PRELID2: variants seen among roughly 807,000 people sequenced by gnomAD.
The protein encoded by PRELID2 is PRELI domain containing 2, also known as PRELI domain-containing protein 2.
Under a neutral mutation model 28.4 loss-of-function variants are expected in PRELID2, and 25 were observed. The observed-to-expected ratio is 0.88, with a 90% CI of 0.64 to 1.23. The LOEUF (loss-of-function observed/expected upper bound fraction) is 1.23. PRELID2 is among the 50% of genes most tolerant of loss of function. The probability of loss-of-function intolerance (pLI) is 0.00; values close to 1 mark genes in which losing one functional copy is unlikely to be tolerated. For missense variants in PRELID2, 201 were observed against 214.4 expected (o/e 0.94, Z 0.39); for synonymous variants, 76 against 71.6 (o/e 1.06, Z -0.31).
chr5:145,477,291 C>T (rs1286018045), intron 1 of PRELID2, among the ~76,000 whole-genome samples: 1 of 152,214 alleles, frequency 6.6e-6, no homozygotes, highest in Non-Finnish European at 1.5e-5. Context: ...CACTGCTCTA[C>T]ATTTCTCTGT....
chr5:145,311,930 G>T, the PRELID2 span, among the ~76,000 whole-genome samples: 1 of 152,098 alleles, frequency 6.6e-6, no homozygotes, highest in Non-Finnish European at 1.5e-5. Flanking sequence ...ATGAAAAATT[G>T]TATATTCATG....
intron 1 of PRELID2, among the ~76,000 whole-genome samples, chr5:145,563,953 G>A (rs1393060724): frequency 6.6e-6 from 1 of 152,180 alleles, no homozygotes; most frequent in African/African-American, 2.4e-5. Context: ...ACTATAAGAA[G>A]AGATGGATAT....
At chr5:145,278,833 A>T in the PRELID2 span, among the ~76,000 whole-genome samples, 1 of 152,168 alleles carries the variant, frequency 6.6e-6, no homozygotes, top group East Asian at 1.9e-4. Context: ...TCTTATCAAT[A>T]GCAAAAGCCT....
rs181394072 is a variant in PRELID2, at chr5:145,565,348, C to A, written n.71-92033G>T. Among the ~76,000 whole-genome samples, 331 of 152,294 alleles carry A rather than the reference C, an allele frequency of 2.2e-3. 8 individuals are homozygous for A. The highest frequency in any genetic ancestry group is 3.4e-4 in the Non-Finnish European group (23 of 68,018). On this transcript the variant is annotated intron_variant and non_coding_transcript_variant, in intron 1 of 2. Coordinates refer to the PRELID2 transcript ENST00000510259. ...GCCCTGTTATTGTTTTGACATGGAA[C>A]CATTATATTAATTCTGACATTGGCA...
chr5:145,769,080 A>C (rs979948212), intron 5 of PRELID2, among the ~76,000 whole-genome samples: 16 of 152,218 alleles, frequency 1.1e-4, no homozygotes, highest in African/African-American at 3.6e-4. Flanking sequence ...ATCAGGCTTA[A>C]AGGGGCTAAA....
chr5:145,304,233 A>G, the PRELID2 span, among the ~76,000 whole-genome samples: 1 of 152,202 alleles, frequency 6.6e-6, no homozygotes, highest in Admixed American at 6.5e-5. Context: ...AAAATCTTAT[A>G]AATCAAATGT....
intron 1 of PRELID2, among the ~76,000 whole-genome samples, chr5:145,501,473 G>C (rs373735670): frequency 6.6e-6 from 1 of 152,136 alleles, no homozygotes; most frequent in Non-Finnish European, 1.5e-5. Flanking sequence ...GGAGAGACCC[G>C]GTGGGAGGTA....
At chr5:145,597,816 A>C (rs1032215651) in intron 1 of PRELID2, among the ~76,000 whole-genome samples, 4 of 152,184 alleles carry the variant, frequency 2.6e-5, no homozygotes, top group Admixed American at 2.6e-4. Context: ...TTTATTCACT[A>C]TTCATCCAGT....
chr5:145,402,963 C>G, the PRELID2 span, among the ~76,000 whole-genome samples: 12 of 152,264 alleles, frequency 7.9e-5, no homozygotes, highest in East Asian at 1.9e-4. Flanking sequence ...AAATTAGAGT[C>G]CAAAGACCAA....
At chr5:145,799,046 GACTC>G (rs1230848457) in intron 4 of PRELID2, among the ~76,000 whole-genome samples, 1 of 143,952 alleles carries the variant, frequency 6.9e-6, no homozygotes, top group Non-Finnish European at 1.5e-5. Context: ...ATATATAAAA[GACTC>G]ACACCAAGAC....
the PRELID2 span, among the ~76,000 whole-genome samples, chr5:145,428,158 C>G: frequency 1.3e-5 from 2 of 152,024 alleles, no homozygotes; most frequent in African/African-American, 2.4e-5. Context: ...GGGGTTTCAC[C>G]GTGTTGGTCA....
chr5:145,521,032 T>C (rs1461655998), intron 1 of PRELID2, among the ~76,000 whole-genome samples: 2 of 152,158 alleles, frequency 1.3e-5, no homozygotes, highest in Admixed American at 1.3e-4. Flanking sequence ...CTAATGTGTA[T>C]ATAGATTCTA....
At chr5:145,440,149 T>C in the PRELID2 span, among the ~76,000 whole-genome samples, 62 of 152,160 alleles carry the variant, frequency 4.1e-4, no homozygotes, top group Non-Finnish European at 7.4e-4. Flanking sequence ...GATGAACCGT[T>C]TAAATAAGAC....
the PRELID2 span, among the ~76,000 whole-genome samples, chr5:145,463,159 T>C: frequency 6.6e-6 from 1 of 152,084 alleles, no homozygotes; most frequent in African/African-American, 2.4e-5. Flanking sequence ...AAACAAAGAA[T>C]AATTTTTTGT....
chr5:145,279,529 TTAAATACAC>T, the PRELID2 span, among the ~76,000 whole-genome samples: 1 of 152,152 alleles, frequency 6.6e-6, no homozygotes, highest in Non-Finnish European at 1.5e-5. Context: ...AAGGCCAGGT[TTAAATACAC>T]AAACCATTTA....
the PRELID2 span, among the ~76,000 whole-genome samples, chr5:145,315,846 A>G: frequency 6.6e-6 from 1 of 152,222 alleles, no homozygotes; most frequent in Admixed American, 6.5e-5. Context: ...ATAATTTTAC[A>G]ATGTCTATCA....
At chr5:145,628,399 C>A (rs1196618668) in intron 1 of PRELID2, among the ~76,000 whole-genome samples, 1 of 152,186 alleles carries the variant, frequency 6.6e-6, no homozygotes, top group Non-Finnish European at 1.5e-5. Context: ...TCTCAGTTCA[C>A]TGCAACCTCC....
chr5:145,557,812 A>C lies in PRELID2; in HGVS notation n.71-84497T>G, dbSNP rs1032200760. ...AACACTTAGTAAATGGCAGCACCAA[A>C]GTTTGAACCCAGAGAGGCTGACTCT... On this transcript the variant is annotated intron_variant and non_coding_transcript_variant, in intron 1 of 2. Coordinates refer to the PRELID2 transcript ENST00000510259. 7.9e-5 allele frequency among the ~76,000 whole-genome samples: 12 copies of C among 152,340 alleles called. No homozygotes were observed. The South Asian group carries it at 1.2e-3, about 16-fold the overall frequency.
intron 1 of PRELID2, among the ~76,000 whole-genome samples, chr5:145,656,008 A>C (rs549285102): frequency 6.6e-6 from 1 of 152,352 alleles, no homozygotes; most frequent in African/African-American, 2.4e-5. Flanking sequence ...CTCATCTGAC[A>C]AAAGGCTAAT....
Sources: gnomAD v4.1 joint callset for allele counts (sites outside exome capture counted in the v4.1 genomes callset) on GRCh38, gnomAD v4.1.1 for gene constraint, MANE v1.5 for transcripts, NCBI Gene and HGNC (gene_info 2026-07-23, HGNC 2026-07-21) for gene names.